DOCK3: variants seen among roughly 807,000 people sequenced by gnomAD.
DOCK3 encodes dedicator of cytokinesis protein 3.
DOCK3 carries 60 observed loss-of-function variants against 265.6 expected under a neutral mutation model. The observed-to-expected ratio is 0.23, with a 90% CI of 0.18 to 0.28. The LOEUF (loss-of-function observed/expected upper bound fraction) is 0.28. DOCK3 is among the 10% of genes least tolerant of loss of function. The pLI is 1.00. For missense variants in DOCK3, 1,981 were observed against 2,594.3 expected (o/e 0.76, Z 5.14); for synonymous variants, 881 against 938.0 (o/e 0.94, Z 1.11).
chr3:51,201,286 C>T lies in DOCK3; in HGVS notation c.1038-7488C>T, dbSNP rs1181076349. Reference sequence around the variant, plus strand: ...TGCTGTATTCAGGAAACCCATCTCACGTGCAGAGACACACATAGGCTCAAA... The same window carrying T: ...TGCTGTATTCAGGAAACCCATCTCATGTGCAGAGACACACATAGGCTCAAA... On this transcript the variant is annotated intron_variant, in intron 12 of 52. Transcript: ENST00000266037. 4.3e-4 allele frequency among the ~76,000 whole-genome samples: 64 copies of T among 150,204 alleles called. 1 individual carries two copies. Among genetic ancestry groups the T allele is most frequent in the Admixed American group, 9.3e-4 (14 of 15,058 alleles).
chr3:51,180,207 CAAAA>C (rs769429969), intron 12 of DOCK3, among the ~76,000 whole-genome samples: 1 of 111,278 alleles, frequency 9.0e-6, no homozygotes, highest in South Asian at 3.1e-4. Context: ...GACCCTGTCT[CAAAA>C]AAAAAAAAAA....
At position 51,187,890 on chromosome 3, in the gene DOCK3, C is replaced by T. The variant is rs538393629; in HGVS notation, c.1038-20884C>T. Among the ~76,000 whole-genome samples, 23 of 152,004 alleles carry T rather than the reference C, an allele frequency of 1.5e-4. No homozygotes were observed. The South Asian group carries it at 4.6e-3, about 30-fold the overall frequency. On this transcript the variant is annotated intron_variant, in intron 12 of 52. Coordinates refer to ENST00000266037, the MANE Select transcript of DOCK3 (RefSeq NM_004947.5). ...TAACCTCTTTCTTTTGTAAATTGCC[C>T]AGTTTGGGGTATGTCTTTATCAGCA...
At chr3:51,000,841 C>T (rs1406160056) in intron 5 of DOCK3, among the ~76,000 whole-genome samples, 1 of 152,104 alleles carries the variant, frequency 6.6e-6, no homozygotes, top group African/African-American at 2.4e-5. Flanking sequence ...TTAGTAGAGA[C>T]AGGGTTTCGC....
intron 5 of DOCK3, among the ~76,000 whole-genome samples, chr3:51,002,195 C>T (rs1054618324): frequency 5.3e-5 from 8 of 152,098 alleles, no homozygotes; most frequent in African/African-American, 1.4e-4. Flanking sequence ...GTGATCCTCC[C>T]GCCTTGGCTT....
At chr3:50,955,356 G>GT (rs894424603) in intron 5 of DOCK3, among the ~76,000 whole-genome samples, 3 of 152,010 alleles carry the variant, frequency 2.0e-5, no homozygotes, top group Non-Finnish European at 4.4e-5. Context: ...AGGAATACAA[G>GT]TTTTTCTGCC....
At chr3:50,812,312 G>T (rs1335649734) in intron 2 of DOCK3, among the ~76,000 whole-genome samples, 1 of 152,146 alleles carries the variant, frequency 6.6e-6, no homozygotes, top group Non-Finnish European at 1.5e-5. Context: ...TAAAACAATA[G>T]CACACCAGAT....
intron 1 of DOCK3, among the ~76,000 whole-genome samples, chr3:50,736,143 A>C (rs1372488634): frequency 6.6e-6 from 1 of 152,104 alleles, no homozygotes; most frequent in East Asian, 1.9e-4. Context: ...GAGTGAGAAC[A>C]TGCAGTGTTT....
At chr3:50,966,501 C>CTTTT (rs2077038034) in intron 5 of DOCK3, among the ~76,000 whole-genome samples, 1 of 129,666 alleles carries the variant, frequency 7.7e-6, no homozygotes, top group East Asian at 2.9e-4. Flanking sequence ...TTTTTTTCTT[C>CTTTT]CTTTTTTTTT....
At chr3:50,990,667 C>T (rs192198554) in intron 5 of DOCK3, among the ~76,000 whole-genome samples, 87 of 152,248 alleles carry the variant, frequency 5.7e-4, no homozygotes, top group Middle Eastern at 3.4e-3. Flanking sequence ...AGATCATCCG[C>T]GGGCTGAGGA....
chr3:50,926,702 C>G (rs2050777013), intron 4 of DOCK3, among the ~76,000 whole-genome samples: 1 of 152,112 alleles, frequency 6.6e-6, no homozygotes, highest in African/African-American at 2.4e-5. Flanking sequence ...AAGATGTGAG[C>G]ACGTTATGGA....
intron 23 of DOCK3, among the ~76,000 whole-genome samples, chr3:51,263,390 AGG>A (rs2079968585): frequency 3.9e-5 from 6 of 152,218 alleles, no homozygotes; most frequent in Non-Finnish European, 5.9e-5. Flanking sequence ...TGTCACCACC[AGG>A]CCTGCCTTAC....
intron 5 of DOCK3, among the ~76,000 whole-genome samples, chr3:50,954,104 C>A (rs1386898617): frequency 1.3e-5 from 2 of 152,018 alleles, no homozygotes; most frequent in Non-Finnish European, 2.9e-5. Flanking sequence ...TAAACATTAA[C>A]CCCACGTTTC....
chr3:51,023,543 G>A (rs1310614545), intron 5 of DOCK3, among the ~76,000 whole-genome samples: 1 of 152,068 alleles, frequency 6.6e-6, no homozygotes, highest in African/African-American at 2.4e-5. Flanking sequence ...AGCCTCCTGA[G>A]TAGCTGGTAC....
chr3:50,855,470 A>G (rs534051669), intron 3 of DOCK3, among the ~76,000 whole-genome samples: 4 of 152,178 alleles, frequency 2.6e-5, no homozygotes, highest in East Asian at 1.9e-4. Context: ...CTTGAATGCT[A>G]TTGAAGTATA....
At chr3:50,907,729 T>G (rs981917684) in intron 4 of DOCK3, among the ~76,000 whole-genome samples, 1 of 152,126 alleles carries the variant, frequency 6.6e-6, no homozygotes, top group East Asian at 1.9e-4. Flanking sequence ...TGCCTTTTAA[T>G]TGGAGCATTT....
chr3:51,067,206 C>A (rs2081623146), intron 6 of DOCK3, among the ~76,000 whole-genome samples: 1 of 152,058 alleles, frequency 6.6e-6, no homozygotes, highest in Non-Finnish European at 1.5e-5. Context: ...CTATAGATTC[C>A]ATTAAATAGA....
intron 1 of DOCK3, among the ~76,000 whole-genome samples, chr3:50,728,013 A>T (rs2108084740): frequency 6.6e-6 from 1 of 152,342 alleles, no homozygotes; most frequent in African/African-American, 2.4e-5. Context: ...CACAGTTTTC[A>T]GTTGCTTATA....
chr3:50,719,053 G>A (rs542641112), intron 1 of DOCK3, among the ~76,000 whole-genome samples: 1 of 152,050 alleles, frequency 6.6e-6, no homozygotes, highest in East Asian at 1.9e-4. Flanking sequence ...CAAAGTGCTG[G>A]GATTACAGGC....
chr3:51,227,196 A>G, intron 15 of DOCK3, 87 bp from the exon 16 acceptor site: 1 of 1,492,030 alleles, frequency 6.7e-7, no homozygotes, highest in Non-Finnish European at 9.1e-7. Context: ...AGACCTTTAG[A>G]CAAGAGAAAG....
Sources: allele counts gnomAD v4.1 joint callset (sites outside exome capture counted in the v4.1 genomes callset), GRCh38; gene constraint gnomAD v4.1.1; transcripts MANE v1.5; gene names NCBI Gene and HGNC (gene_info 2026-07-23, HGNC 2026-07-21).